Variants in BCAR3 observed in about 807,000 individuals in gnomAD.
The protein encoded by BCAR3 is BCAR3 adaptor protein, NSP family member, also known as breast cancer anti-estrogen resistance protein 3.
Under a neutral mutation model 80.1 loss-of-function variants are expected in BCAR3, and 37 were observed. The observed-to-expected ratio is 0.46, with a 90% CI of 0.36 to 0.61. BCAR3 has a LOEUF of 0.61. Ranked by LOEUF, BCAR3 falls within the 20% of genes least tolerant of loss-of-function variation. BCAR3 has a pLI of 0.00. For missense variants in BCAR3, 978 were observed against 1,068.2 expected (o/e 0.92, Z 1.18); for synonymous variants, 389 against 418.9 (o/e 0.93, Z 0.87).
intron 3 of BCAR3, among the ~76,000 whole-genome samples, chr1:93,601,734 T>C (rs972634078): frequency 6.6e-6 from 1 of 152,200 alleles, no homozygotes. Context: ...AGCCTGGCAA[T>C]TAACTTGGTT....
chr1:93,812,270 C>G (rs1200146466), intron 2 of BCAR3, among the ~76,000 whole-genome samples: 2 of 152,138 alleles, frequency 1.3e-5, no homozygotes, highest in East Asian at 3.9e-4. Context: ...CATCCCCTTT[C>G]CCCAGGCCCT....
intron 2 of BCAR3, among the ~76,000 whole-genome samples, chr1:93,814,698 G>A (rs551698801): frequency 6.6e-6 from 1 of 152,166 alleles, no homozygotes; most frequent in Non-Finnish European, 1.5e-5. Flanking sequence ...GGCATCCACT[G>A]GTGTTACAGC....
chr1:93,715,901 A>G (rs868562002), intron 2 of BCAR3, among the ~76,000 whole-genome samples: 8 of 152,174 alleles, frequency 5.3e-5, no homozygotes, highest in African/African-American at 1.9e-4. Context: ...AATGCGTTTG[A>G]GTAGCGCTCA....
intron 3 of BCAR3, among the ~76,000 whole-genome samples, chr1:93,639,377 A>G (rs1389194776): frequency 6.6e-6 from 1 of 152,078 alleles, no homozygotes; most frequent in African/African-American, 2.4e-5. Flanking sequence ...CCCAGACCCA[A>G]GGAGGCAGGA....
rs749674466 is a variant in BCAR3 at position 93,582,322 on chromosome 1, G to C, written c.1665C>G (p.His555Gln). ...TTACCCTGCAGTCCATGCTCAGTAC[G>C]TGCTGGGCGATGACCTTGGGGTCGT... ...TNNDPKVIAQHVLSMDCRVAR... is the reference protein window; with the variant it reads ...TNNDPKVIAQQVLSMDCRVAR... The change falls in exon 7 of 12, where the codon CAC becomes CAG. Residue 555 changes from histidine (H) to glutamine (Q), a missense_variant. By Grantham distance (24) the His-to-Gln change is conservative. Transcript: ENST00000260502. 6.2e-7 allele frequency: 1 copy of C among 1,614,124 alleles called. No individual in the cohort carries two copies.
At chr1:93,654,620 A>G (rs538296128) in intron 2 of BCAR3, among the ~76,000 whole-genome samples, 14 of 152,212 alleles carry the variant, frequency 9.2e-5, no homozygotes, top group Non-Finnish European at 1.8e-4. Flanking sequence ...GCAAAGAAAA[A>G]TGAACATGCT....
intron 2 of BCAR3, among the ~76,000 whole-genome samples, chr1:93,759,032 G>A (rs12408650): frequency 0.12 from 17,782 of 152,052 alleles, 1,455 homozygotes; most frequent in African/African-American, 0.22. Context: ...CAACACTATT[G>A]TGCAAAATTA....
intron 3 of BCAR3, among the ~76,000 whole-genome samples, chr1:93,640,293 G>A (rs1221551586): frequency 3.4e-4 from 51 of 152,206 alleles, no homozygotes; most frequent in Admixed American, 2.9e-3. Flanking sequence ...GGACCTTTAC[G>A]TCAGAGACCT....
intron 1 of BCAR3, among the ~76,000 whole-genome samples, chr1:93,676,290 G>A (rs568511809): frequency 3.3e-5 from 5 of 152,302 alleles, no homozygotes; most frequent in South Asian, 4.1e-4. Flanking sequence ...AAGTGGAGCC[G>A]AGACAATGAC....
Position 93,807,503 on chromosome 1 carries a change from G to T in BCAR3, c.-63+38064C>A, listed in dbSNP as rs115806367. The stretch of plus-strand genomic sequence containing the variant: ...AAAAGTTCCTTTGAGCTCTGCGGAA[G>T]GTGGTGGGAAGGCTAGGGGTGGAAC... On this transcript the variant is annotated intron_variant, in intron 2 of 13. Transcript: ENST00000370244. Among the ~76,000 whole-genome samples the T allele has an allele frequency of 2.6e-3, 392 of 152,286 alleles. 1 individual carries two copies. Among genetic ancestry groups the T allele is most frequent in the African/African-American group, 8.9e-3 (369 of 41,562 alleles).
chr1:93,806,844 A>T (rs1433975220), intron 2 of BCAR3, among the ~76,000 whole-genome samples: 3 of 152,320 alleles, frequency 2.0e-5, no homozygotes, highest in African/African-American at 7.2e-5. Context: ...AAGGCTGGGC[A>T]TGGCGGCTCA....
intron 2 of BCAR3, among the ~76,000 whole-genome samples, chr1:93,720,637 A>C (rs1650360203): frequency 6.6e-6 from 1 of 152,186 alleles, no homozygotes; most frequent in South Asian, 2.1e-4. Context: ...TAAAACTCCT[A>C]CTGCCTTTGT....
chr1:93,633,533 T>C lies in BCAR3; in HGVS notation c.357+8771A>G, dbSNP rs190385252. ...ATCTTCAAGCTCGGCACTTTTTCCA[T>C]CTCATCAAGGGTCTGGCCTCCCTGG... is the stretch of plus-strand genomic sequence containing the variant. On this transcript the variant is annotated intron_variant, in intron 3 of 11. Transcript: ENST00000260502. Among the ~76,000 whole-genome samples the C allele has an allele frequency of 2.3e-3, 347 of 152,308 alleles. 12 individuals are homozygous for C. Among genetic ancestry groups the C allele is most frequent in the Admixed American group, 1.8e-3 (28 of 15,306 alleles).
chr1:93,714,146 C>A (rs1161890934), intron 2 of BCAR3, among the ~76,000 whole-genome samples: 1 of 152,114 alleles, frequency 6.6e-6, no homozygotes, highest in Non-Finnish European at 1.5e-5. Context: ...CCACACCCAG[C>A]TAATTTTTGT....
At chr1:93,571,586 G>A (rs774061079) in intron 9 of BCAR3, 84 bp downstream of exon 9, 11 of 1,524,876 alleles carry the variant, frequency 7.2e-6, no homozygotes, top group East Asian at 2.3e-5. Flanking sequence ...TTTTGAGATT[G>A]ACTAAAATAG....
chr1:93,836,209 A>G (rs1460592034), intron 2 of BCAR3, among the ~76,000 whole-genome samples: 6 of 152,158 alleles, frequency 3.9e-5, no homozygotes, highest in Admixed American at 6.5e-5. Context: ...ACTCCCTTTT[A>G]TTAGGCCCCA....
rs1673932439 is a variant in BCAR3, at chr1:93,586,129, TAA to T, written c.930-2010_930-2009del. 2.0e-5 allele frequency among the ~76,000 whole-genome samples: 3 copies of T among 152,250 alleles called. No homozygotes were observed. In the South Asian group the frequency reaches 6.2e-4, roughly 32 times the overall value. On this transcript the variant is annotated intron_variant, in intron 5 of 11. Coordinates refer to ENST00000260502, the MANE Select transcript of BCAR3 (RefSeq NM_003567.4). This position sits in a 1 kb window ranked among gnomAD's most constrained non-coding sequence, Gnocchi z 4.2. Reference sequence around the variant, plus strand: ...ACAGTCACCCTATTGTGTTATCAAATAAGTCTTATTCATTCTTTCTAAATTTT... The same window carrying T: ...ACAGTCACCCTATTGTGTTATCAAATGTCTTATTCATTCTTTCTAAATTTT...
chr1:93,811,880 T>G (rs1407736264), intron 2 of BCAR3, among the ~76,000 whole-genome samples: 1 of 152,204 alleles, frequency 6.6e-6, no homozygotes, highest in Non-Finnish European at 1.5e-5. Context: ...CATCATGTTG[T>G]TAGCTTGAAA....
chr1:93,837,901 T>G (rs1654824056), intron 2 of BCAR3, among the ~76,000 whole-genome samples: 1 of 152,216 alleles, frequency 6.6e-6, no homozygotes, highest in East Asian at 1.9e-4. Flanking sequence ...CAGTCATAAA[T>G]GTACCTGAAG....
Sources: gnomAD v4.1 joint callset for allele counts (sites outside exome capture counted in the v4.1 genomes callset) on GRCh38, gnomAD v4.1.1 for gene constraint, Gnocchi (gnomAD v3.1) non-coding constraint, MANE v1.5 for transcripts, NCBI Gene and HGNC (gene_info 2026-07-23, HGNC 2026-07-21) for gene names.